Variants in CPNE4 observed in about 807,000 individuals in gnomAD.
CPNE4 encodes the protein copine 4, also known as copine-4.
Under a neutral mutation model 67.9 loss-of-function variants are expected in CPNE4, and 25 were observed. That is an observed-to-expected ratio of 0.37 (90% CI 0.27 to 0.51). CPNE4 has a LOEUF of 0.51. Among genes scored for constraint, CPNE4 ranks in the 20% least tolerant of loss-of-function variants. The probability of loss-of-function intolerance (pLI) is 0.93; values close to 1 mark genes in which losing one functional copy is unlikely to be tolerated. For synonymous variants in CPNE4, 242 were observed against 244.9 expected, an observed-to-expected ratio of 0.99 and a Z score of 0.11; for missense variants, 464 against 690.8, an observed-to-expected ratio of 0.67 and a Z score of 3.68.
intron 7 of CPNE4, among the ~76,000 whole-genome samples, chr3:131,663,226 C>T: frequency 6.6e-6 from 1 of 152,066 alleles, no homozygotes; most frequent in East Asian, 1.9e-4. Context: ...AAACCAAACA[C>T]CACATGTTCT....
At chr3:131,798,525 A>G (rs749026337) in intron 2 of CPNE4, among the ~76,000 whole-genome samples, 7 of 152,224 alleles carry the variant, frequency 4.6e-5, no homozygotes, top group Admixed American at 1.3e-4. Context: ...TGTTAAATGT[A>G]TACCTACAGT....
At chr3:131,565,452 T>C (rs1269707492) in intron 10 of CPNE4, among the ~76,000 whole-genome samples, 2 of 151,986 alleles carry the variant, frequency 1.3e-5, no homozygotes, top group South Asian at 2.1e-4. Flanking sequence ...GAATGCACCA[T>C]TGGTTCTAGG....
rs1252504344 is a variant in CPNE4, at chr3:131,757,160, T to C, written c.181-33535A>G. ...AGATACCTGAAAATGTGGAAGCAAC[T>C]TTGGAACTGGGTAACAGGCAGAGAC... On this transcript the variant is annotated intron_variant, in intron 2 of 15. Coordinates refer to ENST00000429747, the MANE Select transcript of CPNE4 (RefSeq NM_130808.3). Among the ~76,000 whole-genome samples, 5 of 152,170 alleles carry C rather than the reference T, an allele frequency of 3.3e-5. No homozygotes were observed. In the South Asian group the frequency reaches 6.2e-4, roughly 19 times the overall value.
chr3:131,970,183 GAT>G (rs1560704726), intron 1 of CPNE4, among the ~76,000 whole-genome samples: 4 of 152,190 alleles, frequency 2.6e-5, no homozygotes. Flanking sequence ...ATGCTCTAGA[GAT>G]AGTGGAATCA....
intron 2 of CPNE4, among the ~76,000 whole-genome samples, chr3:131,820,074 G>T (rs1245296059): frequency 1.3e-5 from 2 of 152,142 alleles, no homozygotes; most frequent in Non-Finnish European, 1.5e-5. Context: ...GTTACAATGG[G>T]AAAAATATTA....
chr3:131,557,347 A>G (rs748296831), intron 11 of CPNE4, among the ~76,000 whole-genome samples: 4 of 152,088 alleles, frequency 2.6e-5, no homozygotes, highest in Non-Finnish European at 4.4e-5. Flanking sequence ...CTAAACATCT[A>G]TAAGGAAAAA....
intron 7 of CPNE4, among the ~76,000 whole-genome samples, chr3:131,645,602 G>T (rs1369920937): frequency 6.6e-6 from 1 of 152,076 alleles, no homozygotes; most frequent in African/African-American, 2.4e-5. Context: ...AAGATCCAAA[G>T]TTTCAAATAC....
chr3:131,612,700 T>A (rs963663748), intron 7 of CPNE4, among the ~76,000 whole-genome samples: 1 of 152,220 alleles, frequency 6.6e-6, no homozygotes, highest in Non-Finnish European at 1.5e-5. Context: ...ATCCATCATA[T>A]AATTTCCTCA....
intron 7 of CPNE4, among the ~76,000 whole-genome samples, chr3:131,622,134 T>C (rs1195181783): frequency 1.3e-5 from 2 of 152,146 alleles, no homozygotes; most frequent in Non-Finnish European, 1.5e-5. Context: ...CCATGTCTCC[T>C]GAGTCTCTGT....
intron 7 of CPNE4, among the ~76,000 whole-genome samples, chr3:131,610,137 A>G (rs1165320806): frequency 1.3e-5 from 2 of 152,038 alleles, no homozygotes; most frequent in African/African-American, 4.8e-5. Flanking sequence ...TATTTTTTGA[A>G]TACTAACCAT....
At chr3:131,819,605 A>G (rs2084886311) in intron 2 of CPNE4, among the ~76,000 whole-genome samples, 1 of 152,168 alleles carries the variant, frequency 6.6e-6, no homozygotes, top group South Asian at 2.1e-4. Context: ...GTAGTAATTA[A>G]TTCAGTGTTA....
chr3:131,836,851 T>C (rs777235838), intron 2 of CPNE4, among the ~76,000 whole-genome samples: 10 of 152,096 alleles, frequency 6.6e-5, no homozygotes, highest in Non-Finnish European at 1.5e-4. Flanking sequence ...ATAACCAGAA[T>C]ATATAAAGAA....
chr3:131,884,239 G>A (rs1207255451), intron 2 of CPNE4, among the ~76,000 whole-genome samples: 2 of 152,208 alleles, frequency 1.3e-5, no homozygotes, highest in Admixed American at 6.5e-5. Flanking sequence ...ACTTATGTGT[G>A]CACCACTATG....
At chr3:131,842,969 A>C (rs1328389385) in intron 2 of CPNE4, among the ~76,000 whole-genome samples, 1 of 152,140 alleles carries the variant, frequency 6.6e-6, no homozygotes, top group African/African-American at 2.4e-5. Context: ...TGAGTCCTGC[A>C]CCGGTGCTCT....
At chr3:131,959,285 C>G (rs767483245) in intron 1 of CPNE4, among the ~76,000 whole-genome samples, 1 of 99,750 alleles carries the variant, frequency 1.0e-5, no homozygotes. Context: ...CAGGCGTGAG[C>G]CACCGCGCCC....
chr3:131,847,294 T>TA (rs142362180), intron 2 of CPNE4, among the ~76,000 whole-genome samples: 3,208 of 152,314 alleles, frequency 0.021, 110 homozygotes, highest in African/African-American at 0.071. Context: ...GTTTTATACA[T>TA]ATGCCCTTTA....
At chr3:131,663,135 A>C (rs2080169162) in intron 7 of CPNE4, among the ~76,000 whole-genome samples, 1 of 152,240 alleles carries the variant, frequency 6.6e-6, no homozygotes, top group African/African-American at 2.4e-5. Flanking sequence ...GCAGCCATAA[A>C]GAAGAATGAG....
At chr3:131,557,742 A>T (rs115722858) in intron 11 of CPNE4, among the ~76,000 whole-genome samples, 1 of 152,144 alleles carries the variant, frequency 6.6e-6, no homozygotes, top group Non-Finnish European at 1.5e-5. Flanking sequence ...GGGTCCTTGG[A>T]CATACTGAAA....
At chr3:131,980,351 T>C (rs2072874464) in intron 1 of CPNE4, among the ~76,000 whole-genome samples, 1 of 152,204 alleles carries the variant, frequency 6.6e-6, no homozygotes, top group Non-Finnish European at 1.5e-5. Context: ...GTTTGATTGT[T>C]TAACATAATC....
Sources: allele counts gnomAD v4.1 joint callset (sites outside exome capture counted in the v4.1 genomes callset), GRCh38; gene constraint gnomAD v4.1.1; transcripts MANE v1.5; gene names NCBI Gene and HGNC (gene_info 2026-07-23, HGNC 2026-07-21).